The following SNRPB variants were observed in gnomAD, a reference collection of about 807,000 sequenced individuals.
SNRPB encodes the protein small nuclear ribonucleoprotein polypeptides B and B1, also known as small nuclear ribonucleoprotein-associated proteins B and B'.
SNRPB carries 5 observed loss-of-function variants against 26.6 expected under a neutral mutation model. The observed-to-expected ratio is 0.19, with a 90% CI of 0.10 to 0.39. The LOEUF (loss-of-function observed/expected upper bound fraction) is 0.39. Among genes scored for constraint, SNRPB ranks in the 10% least tolerant of loss-of-function variants. SNRPB has a pLI of 1.00. For synonymous variants in SNRPB, 122 were observed against 105.8 expected, an observed-to-expected ratio of 1.15 and a Z score of -0.94; for missense variants, 211 against 311.9, an observed-to-expected ratio of 0.68 and a Z score of 2.44.
intron 1 of SNRPB, among the ~76,000 whole-genome samples, 182 bp downstream of exon 1, chr20:2,470,506 T>A (rs1235623949): frequency 3.3e-5 from 5 of 152,114 alleles, no homozygotes; most frequent in African/African-American, 1.2e-4. Context: ...AACCTTTTCC[T>A]CGACCCCATG....
intron 2 of SNRPB, chr20:2,467,143 C>A: frequency 2.8e-6 from 1 of 352,978 alleles, no homozygotes; most frequent in Non-Finnish European, 5.5e-6. Context: ...TGTATAAATG[C>A]CAACAAAAAT....
rs1162977457 is a variant in SNRPB at position 2,467,715 on chromosome 20, C to T, written c.47G>A (p.Arg16Lys). The T allele has an allele frequency of 3.1e-6, 5 of 1,614,170 alleles. No homozygotes were observed. Among genetic ancestry groups the T allele is most frequent in the Admixed American group, 3.3e-5 (2 of 60,020 alleles). ...GCCGTCCTGCAGGATGCACCTCATC[C>T]TGTAATCAATATGCTGCAGCATCTT... ...SSKMLQHIDY[R>K]MRCILQDGRI... The change falls in exon 2 of 7, where the codon AGG becomes AAG. Residue 16 changes from arginine (R) to lysine (K), a missense_variant. Physicochemically the swap from Arg to Lys is conservative, Grantham distance 26. Coordinates refer to ENST00000381342, the MANE Select transcript of SNRPB (RefSeq NM_003091.4).
At chr20:2,466,108 C>T (rs780257363) in intron 2 of SNRPB, among the ~76,000 whole-genome samples, 8 of 152,126 alleles carry the variant, frequency 5.3e-5, no homozygotes, top group Non-Finnish European at 1.0e-4. Flanking sequence ...AAGGCCCTTC[C>T]CTCAGCCAAG....
intron 1 of SNRPB, among the ~76,000 whole-genome samples, chr20:2,469,315 G>A (rs1724136461): frequency 6.6e-6 from 1 of 152,178 alleles, no homozygotes; most frequent in African/African-American, 2.4e-5. Flanking sequence ...AGGTTTCCCT[G>A]CTTCCAGTCC....
chr20:2,462,546 T>TTTAAGGCTTGAAAGCCTA, intron 6 of SNRPB, 90 bp downstream of exon 6: 1 of 1,121,718 alleles, frequency 8.9e-7, no homozygotes, highest in Non-Finnish European at 1.4e-6. Context: ...TGAAAGCCCA[T>TTTAAGGCTTGAAAGCCTA]GGGATATGAT....
intron 3 of SNRPB, among the ~76,000 whole-genome samples, chr20:2,464,847 C>T (rs1020911231): frequency 1.3e-4 from 19 of 147,012 alleles, no homozygotes; most frequent in Non-Finnish European, 2.1e-4. Flanking sequence ...TCCAGCCTGG[C>T]GACAGAGCGA....
At chr20:2,468,746 C>T (rs1305204386) in intron 1 of SNRPB, among the ~76,000 whole-genome samples, 3 of 152,108 alleles carry the variant, frequency 2.0e-5, no homozygotes, top group South Asian at 2.1e-4. Flanking sequence ...GCTAACATGG[C>T]GAAGCCCCGT....
At position 2,461,838 on chromosome 20, in the gene SNRPB, G is replaced by C. The variant is rs1452602272; in HGVS notation, c.*91C>G. 7.4e-6 allele frequency: 12 copies of C among 1,613,838 alleles called. No individual in the cohort carries two copies. Among genetic ancestry groups the C allele is most frequent in the Non-Finnish European group, 1.0e-5 (12 of 1,179,858 alleles). Reference sequence around the variant, plus strand: ...ATCCCATGAGACTCCACGAACAACAGCATAAGAAACAAACAGGTCTGTGGT... The same window carrying C: ...ATCCCATGAGACTCCACGAACAACACCATAAGAAACAAACAGGTCTGTGGT... On this transcript the variant is annotated 3_prime_UTR_variant, in exon 7 of 7. Coordinates refer to ENST00000381342, the MANE Select transcript of SNRPB (RefSeq NM_003091.4).
At chr20:2,470,310 A>T (rs2085104946) in intron 1 of SNRPB, among the ~76,000 whole-genome samples, 1 of 28,540 alleles carries the variant, frequency 3.5e-5, no homozygotes, top group Admixed American at 6.5e-4. Flanking sequence ...AACTTCCGCA[A>T]GTCTGAGCCT....
At chr20:2,462,083 T>C in intron 6 of SNRPB, 144 bp from the exon 7 acceptor site, 1 of 617,284 alleles carries the variant, frequency 1.6e-6, no homozygotes, top group Admixed American at 3.1e-5. Context: ...ACTCTGAGGC[T>C]GACTGGGTTC....
At chr20:2,466,684 G>T (rs1455967759) in intron 2 of SNRPB, among the ~76,000 whole-genome samples, 1 of 152,036 alleles carries the variant, frequency 6.6e-6, no homozygotes, top group Non-Finnish European at 1.5e-5. Flanking sequence ...ACCCTTCGGG[G>T]TATTTTAGTT....
intron 2 of SNRPB, among the ~76,000 whole-genome samples, chr20:2,466,291 G>GA (rs1431159611): frequency 2.0e-5 from 3 of 152,156 alleles, no homozygotes; most frequent in African/African-American, 7.2e-5. Context: ...TCTTACATCA[G>GA]AAATAGGAGA....
In SNRPB at chr20:2,467,596, C is replaced by G; in HGVS notation, c.155+11G>C. 6.2e-7 allele frequency: 1 copy of G among 1,613,176 alleles called. No individual in the cohort carries two copies. The highest frequency in any genetic ancestry group is 8.5e-7 in the Non-Finnish European group (1 of 1,179,342). On this transcript the variant is annotated intron_variant, in intron 2 of 6. Transcript: ENST00000381342. Reference sequence around the variant, plus strand: ...TCCTCCAGTCTCCGCCCCCCACAGTCCACTCCTCACTTGATCTTTCTGAAC... The same window carrying G: ...TCCTCCAGTCTCCGCCCCCCACAGTGCACTCCTCACTTGATCTTTCTGAAC...
At position 2,465,721 on chromosome 20, in the gene SNRPB, G is replaced by A. The variant is rs765449716; in HGVS notation, c.254C>T (p.Pro85Leu). ...GCTCTGACTTACATCTTTGGGAGGA[G>A]GTCCCTCTACTGTCATTGAGACCAG... ...ENLVSMTVEG[P>L]PPKDTGIARV... Residue 85 changes from proline to leucine, a missense_variant, in exon 3 of 7, where the codon CCT becomes CTT. Transcript: ENST00000381342. 1 of 1,611,018 alleles carries A rather than the reference G, an allele frequency of 6.2e-7. No homozygotes were observed. Among genetic ancestry groups the A allele is most frequent in the Non-Finnish European group, 8.5e-7 (1 of 1,177,410 alleles).
intron 2 of SNRPB, 195 bp downstream of exon 2, chr20:2,467,412 G>T: frequency 1.5e-6 from 1 of 651,800 alleles, no homozygotes; most frequent in Non-Finnish European, 2.7e-6. Flanking sequence ...CTTGTACTTT[G>T]CTAGACTAGA....
intron 2 of SNRPB, 152 bp downstream of exon 2, chr20:2,467,455 T>C: frequency 1.4e-6 from 1 of 700,698 alleles, no homozygotes; most frequent in Non-Finnish European, 2.4e-6. Flanking sequence ...AAAGATTTCT[T>C]AGCGTTCAAT....
intron 1 of SNRPB, among the ~76,000 whole-genome samples, chr20:2,470,238 G>C (rs1007580105): frequency 5.3e-5 from 8 of 152,154 alleles, no homozygotes; most frequent in African/African-American, 9.7e-5. Context: ...GACCTAGCGA[G>C]ACTCTAGCGT....
At position 2,465,708 on chromosome 20, in the gene SNRPB, A is replaced by G. The variant is rs551404125; in HGVS notation, c.267T>C (p.Asp89=). The part of the protein sequence containing the change: ...SMTVEGPPPK[D]TGIARVPLAG... The stretch of plus-strand genomic sequence containing the variant: ...CACAAGGCTTCCTGCTCTGACTTAC[A>G]TCTTTGGGAGGAGGTCCCTCTACTG... The change falls in exon 3 of 7, where the codon GAT becomes GAC. Residue 89 remains aspartate (D), a splice_region_variant and synonymous_variant. Transcript: ENST00000381342. The G allele has an allele frequency of 1.2e-5, 19 of 1,604,308 alleles. No homozygotes were observed. Among genetic ancestry groups the G allele is most frequent in the Middle Eastern group, 1.7e-4 (1 of 6,048 alleles).
chr20:2,468,293 T>C (rs2085087618), intron 1 of SNRPB, among the ~76,000 whole-genome samples: 1 of 152,170 alleles, frequency 6.6e-6, no homozygotes, highest in South Asian at 2.1e-4. Flanking sequence ...TCCAAGACTA[T>C]ATTTGGCAGA....
Sources: allele counts gnomAD v4.1 joint callset (sites outside exome capture counted in the v4.1 genomes callset), GRCh38; gene constraint gnomAD v4.1.1; transcripts MANE v1.5; gene names NCBI Gene and HGNC (gene_info 2026-07-23, HGNC 2026-07-21).